The following CP variants were observed in gnomAD, a reference collection of about 807,000 sequenced individuals.
CP encodes the protein caeruloplasmin.
Under a neutral mutation model 122.4 loss-of-function variants are expected in CP, and 64 were observed. That is an observed-to-expected ratio of 0.52 (90% confidence interval 0.43 to 0.64). The LOEUF (loss-of-function observed/expected upper bound fraction) is 0.64, where lower values mean the gene tolerates loss of function less well. Among genes scored for constraint, CP ranks in the 30% least tolerant of loss-of-function variants. The pLI is 0.00. For missense variants in CP, 1,167 were observed against 1,284.4 expected (o/e 0.91, Z 1.40); for synonymous variants, 440 against 436.4 (o/e 1.01, Z -0.10).
chr3:149,210,147 G>A lies in CP; in HGVS notation c.607+20C>T. The A allele has an allele frequency of 6.2e-7, 1 of 1,610,004 alleles. No homozygotes were observed. The highest frequency in any genetic ancestry group is 8.5e-7 in the Non-Finnish European group (1 of 1,176,524). ...CCTGTCTTTTGGTCATATAGCATGT[G>A]CAATAAGGAGAAGATGTACCTTTTT... On this transcript the variant is annotated intron_variant, in intron 3 of 18. Transcript: ENST00000264613.
chr3:149,186,525 G>T lies in CP; in HGVS notation c.2072C>A (p.Thr691Lys), dbSNP rs968065540. Residue 691 changes from threonine (T) to lysine (K), a missense_variant, in exon 11 of 19, where the codon ACA (threonine) becomes AAA (lysine). Physicochemically the swap from Thr to Lys is moderately conservative, Grantham distance 78 (BLOSUM62 -1). Coordinates refer to ENST00000264613, the MANE Select transcript of CP (RefSeq NM_000096.4). The part of the protein sequence containing the change: ...TSLTLHMWPD[T>K]EGTFNVECLT... ...TTGGCTTTAAGTAAATATACCCTCT[G>T]TGTCAGGCCACATGTGGAGCGTAAG... is the stretch of plus-strand genomic sequence containing the variant. The T allele has an allele frequency of 1.2e-6, 2 of 1,614,054 alleles. No homozygotes were observed. The highest frequency in any genetic ancestry group is 8.5e-7 in the Non-Finnish European group (1 of 1,179,928).
chr3:149,188,143 T>C lies in CP; in HGVS notation c.1773A>G (p.Leu591=). 6.2e-7 allele frequency: 1 copy of C among 1,612,708 alleles called. No homozygotes were observed. The highest frequency in any genetic ancestry group is 8.5e-7 in the Non-Finnish European group (1 of 1,179,514). The change falls in exon 10 of 19, where the codon TTA becomes TTG. Residue 591 remains leucine (L), a synonymous_variant. Coordinates refer to ENST00000264613, the MANE Select transcript of CP (RefSeq NM_000096.4). ...FPTVFDENES[L]LLEDNIRMFT... ...ACATTCTAATATTATCTTCCAGGAG[T>C]AAACTCTCATTCTCATCAAATACTG...
intron 9 of CP, among the ~76,000 whole-genome samples, chr3:149,188,490 C>CAAA (rs60815739): frequency 0.014 from 646 of 46,034 alleles, 70 homozygotes; most frequent in Middle Eastern, 0.025. Flanking sequence ...TTGAAGCCTC[C>CAAA]AAAAAAAAAA....
chr3:149,195,386 T>C (rs1456981447), intron 9 of CP, among the ~76,000 whole-genome samples: 2 of 152,222 alleles, frequency 1.3e-5, no homozygotes, highest in Non-Finnish European at 2.9e-5. Flanking sequence ...AACAAAGCTG[T>C]ACATTGTTTT....
chr3:149,175,471 C>G (rs781536402), intron 18 of CP, among the ~76,000 whole-genome samples: 3 of 152,190 alleles, frequency 2.0e-5, no homozygotes, highest in Non-Finnish European at 4.4e-5. Context: ...ATATTTTCTT[C>G]ATTTGTATGT....
intron 5 of CP, 91 bp downstream of exon 5, chr3:149,207,272 A>T: frequency 1.3e-6 from 2 of 1,520,884 alleles, no homozygotes; most frequent in Non-Finnish European, 9.1e-7. Flanking sequence ...TTCAAAGCTC[A>T]GATTATTTCA....
At chr3:149,214,230 C>A (rs560511676) in intron 1 of CP, among the ~76,000 whole-genome samples, 1 of 152,066 alleles carries the variant, frequency 6.6e-6, no homozygotes, top group African/African-American at 2.4e-5. Flanking sequence ...AGGACCTCTG[C>A]GGTGGAGGCT....
At chr3:149,214,962 C>G (rs1728368239) in intron 1 of CP, among the ~76,000 whole-genome samples, 2 of 152,130 alleles carry the variant, frequency 1.3e-5, no homozygotes, top group Admixed American at 1.3e-4. Context: ...CCACTCTGGT[C>G]CCACCGGAAC....
At chr3:149,181,984 C>CGGGGGGGG in intron 14 of CP, 21 bp downstream of exon 14, 1 of 565,076 alleles carries the variant, frequency 1.8e-6, no homozygotes, top group Non-Finnish European at 3.3e-6. Context: ...GCACCACCCC[C>CGGGGGGGG]ACCCCCGCCC....
chr3:149,163,842 A>G, intron 5 of CP: 1 of 1,481,594 alleles, frequency 6.7e-7, no homozygotes, highest in Non-Finnish European at 9.4e-7. Flanking sequence ...TATGTTTTAG[A>G]TAAATGCCTG....
intron 9 of CP, among the ~76,000 whole-genome samples, chr3:149,197,875 A>G (rs1368596005): frequency 1.3e-5 from 2 of 152,190 alleles, no homozygotes; most frequent in African/African-American, 2.4e-5. Context: ...CCTGCTGTGC[A>G]GCCCAGTTCC....
intron 11 of CP, chr3:149,186,111 T>C (rs745352585): frequency 1.1e-5 from 3 of 265,844 alleles, no homozygotes; most frequent in African/African-American, 2.2e-5. Context: ...AATGCTAGCA[T>C]AGAATATTCA....
At chr3:149,187,887 G>C in intron 10 of CP, 165 bp downstream of exon 10, 1 of 708,786 alleles carries the variant, frequency 1.4e-6, no homozygotes. Context: ...ATGGATAACT[G>C]ACAGACACAT....
chr3:149,162,518 C>G (rs568900851), exon 6 of CP: 8 of 925,070 alleles, frequency 8.6e-6, no homozygotes, highest in Non-Finnish European at 1.4e-5. Context: ...TTTGTACATC[C>G]TAGAATCTGT....
chr3:149,184,558 G>A (rs1399694796), intron 12 of CP, among the ~76,000 whole-genome samples: 1 of 152,182 alleles, frequency 6.6e-6, no homozygotes, highest in African/African-American at 2.4e-5. Flanking sequence ...CATGATGTAA[G>A]TGGGATGATG....
At chr3:149,214,156 G>A (rs2108305821) in intron 1 of CP, among the ~76,000 whole-genome samples, 1 of 152,266 alleles carries the variant, frequency 6.6e-6, no homozygotes, top group East Asian at 1.9e-4. Flanking sequence ...GAAGCAGTGG[G>A]ATTCCTGATA....
At chr3:149,201,364 G>A (rs892056584) in intron 7 of CP, among the ~76,000 whole-genome samples, 1 of 151,744 alleles carries the variant, frequency 6.6e-6, no homozygotes, top group Non-Finnish European at 1.5e-5. Flanking sequence ...CTCGTGATCC[G>A]CCCGCCTCGG....
chr3:149,165,653 C>A (rs1042089728), intron 5 of CP, among the ~76,000 whole-genome samples: 1 of 152,032 alleles, frequency 6.6e-6, no homozygotes, highest in Non-Finnish European at 1.5e-5. Flanking sequence ...TACTTTCAAA[C>A]TTCTTGATTA....
At chr3:149,207,309 T>A in intron 5 of CP, 54 bp downstream of exon 5, 1 of 1,611,682 alleles carries the variant, frequency 6.2e-7, no homozygotes, top group Non-Finnish European at 8.5e-7. Flanking sequence ...AGATTCTGAT[T>A]CCCAGTAACC....
Sources: gnomAD v4.1 joint callset for allele counts (sites outside exome capture counted in the v4.1 genomes callset) on GRCh38, gnomAD v4.1.1 for gene constraint, MANE v1.5 for transcripts, NCBI Gene and HGNC (gene_info 2026-07-23, HGNC 2026-07-21) for gene names.